Variants in DCC observed in about 807,000 individuals in gnomAD.
DCC encodes DCC netrin 1 receptor.
A neutral mutation model predicts 172.5 loss-of-function variants in DCC; 58 were observed. That is an observed-to-expected ratio of 0.34 (90% CI 0.27 to 0.42). The LOEUF (loss-of-function observed/expected upper bound fraction) is 0.42. DCC is among the 10% of genes least tolerant of loss of function. The pLI, the probability that DCC is intolerant of heterozygous loss-of-function variation, is 1.00. For synonymous variants in DCC, 709 were observed against 644.5 expected (o/e 1.10, Z -1.52); for missense variants, 1,740 against 1,791.0 (o/e 0.97, Z 0.51).
At chr18:52,783,293 C>T (rs969957409) in intron 2 of DCC, among the ~76,000 whole-genome samples, 1 of 135,336 alleles carries the variant, frequency 7.4e-6, no homozygotes, top group African/African-American at 2.8e-5. Context: ...ATATGTTTAT[C>T]CAGAACTAAA....
intron 12 of DCC, among the ~76,000 whole-genome samples, chr18:53,233,547 T>C (rs1598931269): frequency 6.6e-6 from 1 of 152,172 alleles, no homozygotes. Context: ...ATATTTATCA[T>C]ATTTTCATTC....
chr18:53,527,206 CTT>C (rs1212450703), intron 28 of DCC, among the ~76,000 whole-genome samples: 2 of 133,906 alleles, frequency 1.5e-5, no homozygotes, highest in African/African-American at 2.7e-5. Flanking sequence ...CTTCTTCTTC[CTT>C]TTTTTTTTTT....
At chr18:53,054,712 G>A (rs1428171645) in intron 5 of DCC, among the ~76,000 whole-genome samples, 1 of 152,090 alleles carries the variant, frequency 6.6e-6, no homozygotes, top group Non-Finnish European at 1.5e-5. Context: ...ATTGTGTGGA[G>A]AGATCTAGAA....
intron 5 of DCC, among the ~76,000 whole-genome samples, chr18:52,987,142 T>A (rs1376182310): frequency 6.6e-6 from 1 of 152,080 alleles, no homozygotes; most frequent in Admixed American, 6.6e-5. Context: ...AATTTTAAGA[T>A]TAAAAACAAA....
At chr18:52,880,103 C>T (rs777631440) in intron 2 of DCC, among the ~76,000 whole-genome samples, 2 of 151,712 alleles carry the variant, frequency 1.3e-5, no homozygotes, top group Non-Finnish European at 2.9e-5. Context: ...CTCCGTTGTG[C>T]TATCAAATAC....
At chr18:53,179,191 G>A (rs2055156162) in intron 9 of DCC, 75 bp downstream of exon 9, 1 of 1,424,952 alleles carries the variant, frequency 7.0e-7, no homozygotes. Context: ...TTCTTTCACA[G>A]AACCTTTGCG....
intron 2 of DCC, among the ~76,000 whole-genome samples, chr18:52,835,622 T>C (rs1407267195): frequency 6.6e-6 from 1 of 152,230 alleles, no homozygotes; most frequent in Admixed American, 6.5e-5. Flanking sequence ...CTTTAGCAAA[T>C]TGAAATGGCT....
intron 5 of DCC, among the ~76,000 whole-genome samples, chr18:53,053,956 T>A (rs1479875485): frequency 6.6e-6 from 1 of 152,124 alleles, no homozygotes; most frequent in Non-Finnish European, 1.5e-5. Flanking sequence ...TTATTCTGTG[T>A]GATCATATAT....
intron 5 of DCC, among the ~76,000 whole-genome samples, chr18:53,028,626 C>G (rs940542957): frequency 5.3e-5 from 8 of 151,964 alleles, no homozygotes; most frequent in African/African-American, 1.9e-4. Context: ...TAATTATTTG[C>G]AAAATTGACT....
rs2038877787 is a variant in DCC at position 52,845,785 on chromosome 18, A to G, written c.413-60259A>G. Among the ~76,000 whole-genome samples, 5 of 152,232 alleles carry G rather than the reference A, an allele frequency of 3.3e-5. No individual in the cohort carries two copies. In the South Asian group the frequency reaches 1.0e-3, roughly 31 times the overall value. On this transcript the variant is annotated intron_variant, in intron 2 of 28. Coordinates refer to ENST00000442544, the MANE Select transcript of DCC (RefSeq NM_005215.4). ...TGGATCAGGGCACACTCAGAAACTGAACAAGGTTTAGAAAGCTCTGCTTCA... is the reference window on the plus strand; with the variant it reads ...TGGATCAGGGCACACTCAGAAACTGGACAAGGTTTAGAAAGCTCTGCTTCA...
rs776292641 is a variant in DCC, at chr18:53,066,131, C to T, written c.1226C>T (p.Ala409Val). The T allele has an allele frequency of 1.9e-6, 3 of 1,613,108 alleles. No homozygotes were observed. Among genetic ancestry groups the T allele is most frequent in the East Asian group, 4.5e-5 (2 of 44,832 alleles). ...QCVAENEAGN[A>V]QTSAQLIVPK... Reference sequence around the variant, plus strand: ...GTGGCTGAAAATGAGGCTGGAAATGCCCAGACCAGTGCACAGCTCATTGTC... The same window carrying T: ...GTGGCTGAAAATGAGGCTGGAAATGTCCAGACCAGTGCACAGCTCATTGTC... Residue 409 changes from alanine (A) to valine (V), a missense_variant, in exon 7 of 29, where the codon GCC becomes GTC. Ala to Val is a moderately conservative substitution (Grantham distance 64). Transcript: ENST00000442544.
At chr18:52,823,317 A>G (rs934500946) in intron 2 of DCC, among the ~76,000 whole-genome samples, 1 of 151,854 alleles carries the variant, frequency 6.6e-6, no homozygotes, top group Non-Finnish European at 1.5e-5. Context: ...AAACATCCGT[A>G]CTCTACTGAA....
rs2144670124 is a variant in DCC at position 53,256,417 on chromosome 18, A to T, written c.1911+40820A>T. 1.3e-5 allele frequency among the ~76,000 whole-genome samples: 2 copies of T among 152,250 alleles called. 1 individual carries two copies. Among genetic ancestry groups the T allele is most frequent in the East Asian group, 3.9e-4 (2 of 5,184 alleles). On this transcript the variant is annotated intron_variant, in intron 12 of 28. Coordinates refer to ENST00000442544, the MANE Select transcript of DCC (RefSeq NM_005215.4). ...AGGTGTAAGGAAGGGATCCAGTTTC[A>T]GCTTTCTACATATGGCCAGCCAGTT...
chr18:52,545,112 T>A (rs1229331142), intron 1 of DCC, among the ~76,000 whole-genome samples: 2 of 152,196 alleles, frequency 1.3e-5, no homozygotes, highest in Non-Finnish European at 2.9e-5. Flanking sequence ...CTCAATTAGA[T>A]GGTGGAAGCA....
At chr18:52,525,607 T>C (rs762599646) in intron 1 of DCC, among the ~76,000 whole-genome samples, 2 of 152,234 alleles carry the variant, frequency 1.3e-5, no homozygotes, top group Admixed American at 6.5e-5. Context: ...TTGCAGAAAA[T>C]GTCTGTAGAC....
intron 5 of DCC, among the ~76,000 whole-genome samples, chr18:53,042,617 G>GAA (rs1017388135): frequency 6.7e-6 from 1 of 149,748 alleles, no homozygotes; most frequent in African/African-American, 2.5e-5. Context: ...AAATTTACAA[G>GAA]AAAAAAAAAC....
chr18:52,513,666 G>T (rs2031525609), intron 1 of DCC, among the ~76,000 whole-genome samples: 1 of 151,994 alleles, frequency 6.6e-6, no homozygotes, highest in Non-Finnish European at 1.5e-5. Flanking sequence ...AAGGTCTTTT[G>T]GCTCTAAAAC....
chr18:52,445,787 G>C (rs1041500599), intron 1 of DCC, among the ~76,000 whole-genome samples: 1 of 152,146 alleles, frequency 6.6e-6, no homozygotes, highest in African/African-American at 2.4e-5. Context: ...TTAATAAGTG[G>C]CCCCTAGTGT....
At chr18:53,235,736 A>G (rs1252635963) in intron 12 of DCC, among the ~76,000 whole-genome samples, 1 of 152,054 alleles carries the variant, frequency 6.6e-6, no homozygotes, top group Non-Finnish European at 1.5e-5. Context: ...CTTTTTCATC[A>G]TCTCAAACAG....
Sources: gnomAD v4.1 joint callset for allele counts (sites outside exome capture counted in the v4.1 genomes callset) on GRCh38, gnomAD v4.1.1 for gene constraint, MANE v1.5 for transcripts, NCBI Gene and HGNC (gene_info 2026-07-23, HGNC 2026-07-21) for gene names.